PKN2: variants seen among roughly 807,000 people sequenced by gnomAD.
The protein encoded by PKN2 is serine/threonine-protein kinase N2.
Under a neutral mutation model 119.1 loss-of-function variants are expected in PKN2, and 38 were observed. That is an observed-to-expected ratio of 0.32 (90% CI 0.25 to 0.42). The LOEUF is 0.42. PKN2 is among the 10% of genes least tolerant of loss of function. The probability of loss-of-function intolerance (pLI) is 1.00; values close to 1 mark genes in which losing one functional copy is unlikely to be tolerated. For missense variants in PKN2, 850 were observed against 1,165.1 expected (o/e 0.73, Z 3.94); for synonymous variants, 390 against 384.9 (o/e 1.01, Z -0.15).
chr1:88,810,126 C>CT (rs988757532), intron 15 of PKN2, among the ~76,000 whole-genome samples: 29 of 145,692 alleles, frequency 2.0e-4, no homozygotes, highest in Admixed American at 4.1e-4. Flanking sequence ...TTAAGACTAG[C>CT]TTTTTTTTTT....
intron 4 of PKN2, among the ~76,000 whole-genome samples, chr1:88,771,059 G>C (rs1225983426): frequency 6.6e-6 from 1 of 151,890 alleles, no homozygotes; most frequent in African/African-American, 2.4e-5. Flanking sequence ...ACCTGTTTAA[G>C]AGTATGGCTT....
chr1:88,835,633 GTA>G lies in PKN2; in HGVS notation c.*2187_*2188del, dbSNP rs899940906. On this transcript the variant is annotated 3_prime_UTR_variant, in exon 22 of 22. Transcript: ENST00000370521. ...AATATATTTTGCTATTACTGTATGT[GTA>G]TGTGACTGCTCAAGCACTTTGTAAA... The G allele has an allele frequency of 4.7e-5, 7 of 149,438 alleles. No homozygotes were observed. The highest frequency in any genetic ancestry group is 1.8e-4 in the African/African-American group (7 of 38,606). 9.3% of individuals were successfully genotyped at this position (149,438 alleles called of 1,614,324 possible).
chr1:88,827,914 C>T (rs535430586), intron 18 of PKN2, among the ~76,000 whole-genome samples: 6 of 151,218 alleles, frequency 4.0e-5, no homozygotes, highest in South Asian at 2.1e-4. Context: ...TTTGTAGAGA[C>T]GGGTTTCATC....
intron 8 of PKN2, among the ~76,000 whole-genome samples, chr1:88,786,512 A>G (rs1171220510): frequency 6.6e-6 from 1 of 152,334 alleles, no homozygotes; most frequent in Non-Finnish European, 1.5e-5. Flanking sequence ...ATGCGCTAAC[A>G]GCTAAGGCGA....
chr1:88,695,648 TCTTTA>T (rs1413634250), intron 1 of PKN2, among the ~76,000 whole-genome samples: 5 of 152,194 alleles, frequency 3.3e-5, no homozygotes, highest in African/African-American at 9.7e-5. Flanking sequence ...AGTTTTCTTG[TCTTTA>T]CTTTCAGATT....
At chr1:88,768,932 T>C (rs1339872167) in intron 3 of PKN2, among the ~76,000 whole-genome samples, 1 of 152,182 alleles carries the variant, frequency 6.6e-6, no homozygotes, top group East Asian at 1.9e-4. Flanking sequence ...AGCCAGCTTG[T>C]CATCTGGTGA....
chr1:88,771,201 T>C (rs1669882024), intron 4 of PKN2, among the ~76,000 whole-genome samples: 1 of 152,188 alleles, frequency 6.6e-6, no homozygotes, highest in Non-Finnish European at 1.5e-5. Flanking sequence ...ATCTTTCAGC[T>C]CTAAAATCTT....
At chr1:88,691,241 T>A (rs1047058960) in intron 1 of PKN2, among the ~76,000 whole-genome samples, 1 of 151,998 alleles carries the variant, frequency 6.6e-6, no homozygotes, top group African/African-American at 2.4e-5. Context: ...TTTTTATATT[T>A]TTTTGGAGAG....
chr1:88,798,788 T>G (rs1406429497), intron 8 of PKN2, among the ~76,000 whole-genome samples: 1 of 152,198 alleles, frequency 6.6e-6, no homozygotes, highest in Non-Finnish European at 1.5e-5. Context: ...TCCAGAATGA[T>G]GACAACCATG....
chr1:88,746,034 A>C (rs1030893981), intron 2 of PKN2, among the ~76,000 whole-genome samples: 4 of 152,172 alleles, frequency 2.6e-5, no homozygotes, highest in Non-Finnish European at 4.4e-5. Context: ...ATGCAGAAGA[A>C]GGAAGATGAA....
intron 16 of PKN2, among the ~76,000 whole-genome samples, chr1:88,814,244 C>T (rs1671895005): frequency 6.6e-6 from 1 of 152,128 alleles, no homozygotes; most frequent in Non-Finnish European, 1.5e-5. Context: ...TGCCTCCAGA[C>T]AAAGAGATAA....
At chr1:88,694,411 T>C (rs941666807) in intron 1 of PKN2, among the ~76,000 whole-genome samples, 1 of 152,234 alleles carries the variant, frequency 6.6e-6, no homozygotes, top group East Asian at 1.9e-4. Flanking sequence ...CACTTAGAAA[T>C]AAGCATTTAA....
chr1:88,781,455 A>C (rs1670341942), intron 6 of PKN2, among the ~76,000 whole-genome samples: 1 of 150,652 alleles, frequency 6.6e-6, no homozygotes, highest in African/African-American at 2.5e-5. Flanking sequence ...AGTTGAAAGA[A>C]AATTTTTAAA....
chr1:88,820,178 A>G (rs1672188110), intron 16 of PKN2, among the ~76,000 whole-genome samples: 1 of 112,010 alleles, frequency 8.9e-6, no homozygotes, highest in African/African-American at 3.5e-5. Context: ...CTTTTCAGAA[A>G]CCTATATATA....
chr1:88,703,082 T>C (rs1666836640), intron 1 of PKN2, among the ~76,000 whole-genome samples: 1 of 152,172 alleles, frequency 6.6e-6, no homozygotes, highest in South Asian at 2.1e-4. Flanking sequence ...TTGTCCCTTT[T>C]CTCCTTCCTT....
At chr1:88,691,279 G>A (rs1225265987) in intron 1 of PKN2, among the ~76,000 whole-genome samples, 1 of 151,860 alleles carries the variant, frequency 6.6e-6, no homozygotes, top group Non-Finnish European at 1.5e-5. Context: ...TGCCCGGGTT[G>A]GTTTTGAACT....
chr1:88,740,873 A>T (rs1668550748), intron 1 of PKN2, 115 bp from the exon 2 acceptor site: 1 of 577,310 alleles, frequency 1.7e-6, no homozygotes, highest in South Asian at 3.0e-5. Flanking sequence ...AGATAATTAA[A>T]TATAGTTAAA....
In PKN2 at chr1:88,726,573, T is replaced by C. The variant is rs148065924; in HGVS notation, c.49-14415T>C. ...TTTTTCTTCGGTACTATATTCAATT[T>C]GAGTATATTTTGTTGAGGATTATTA... is the stretch of plus-strand genomic sequence containing the variant. On this transcript the variant is annotated intron_variant, in intron 1 of 21. Transcript: ENST00000370521. Among the ~76,000 whole-genome samples the C allele has an allele frequency of 7.8e-3, 1,186 of 152,312 alleles. 17 individuals are homozygous for C. The highest frequency in any genetic ancestry group is 0.027 in the African/African-American group (1,129 of 41,576).
At chr1:88,701,506 G>A (rs1666768256) in intron 1 of PKN2, among the ~76,000 whole-genome samples, 1 of 152,124 alleles carries the variant, frequency 6.6e-6, no homozygotes, top group East Asian at 1.9e-4. Flanking sequence ...TCTATTGTCA[G>A]TGCCTATAAA....
Sources: gnomAD v4.1 joint callset for allele counts (sites outside exome capture counted in the v4.1 genomes callset) on GRCh38, gnomAD v4.1.1 for gene constraint, MANE v1.5 for transcripts, NCBI Gene and HGNC (gene_info 2026-07-23, HGNC 2026-07-21) for gene names.